Variants in DPP10 observed in about 807,000 individuals in gnomAD.
DPP10 encodes dipeptidyl peptidase like 10, also known as inactive dipeptidyl peptidase 10.
Under a neutral mutation model 120.9 loss-of-function variants are expected in DPP10, and 33 were observed. That is an observed-to-expected ratio of 0.27 (90% CI 0.21 to 0.37). The LOEUF (loss-of-function observed/expected upper bound fraction) is 0.37, where lower values mean the gene tolerates loss of function less well. DPP10 is among the 10% of genes least tolerant of loss of function. The probability of loss-of-function intolerance (pLI) is 1.00; values close to 1 mark genes in which losing one functional copy is unlikely to be tolerated. For missense variants in DPP10, 816 were observed against 942.8 expected, an observed-to-expected ratio of 0.87 and a Z score of 1.76; for synonymous variants, 337 against 326.1, an observed-to-expected ratio of 1.03 and a Z score of -0.36.
At chr2:114,837,230 G>A (rs1687811629) in intron 1 of DPP10, among the ~76,000 whole-genome samples, 1 of 152,158 alleles carries the variant, frequency 6.6e-6, no homozygotes, top group Non-Finnish European at 1.5e-5. Flanking sequence ...TTGCAGTAAA[G>A]ACAGGCATAA....
At chr2:114,842,108 C>G (rs147100078) in intron 1 of DPP10, among the ~76,000 whole-genome samples, 25 of 152,172 alleles carry the variant, frequency 1.6e-4, no homozygotes, top group African/African-American at 6.0e-4. Flanking sequence ...CAGACTGAGA[C>G]ATATTGTCAC....
chr2:115,222,473 AAG>A (rs1352476613), intron 1 of DPP10, among the ~76,000 whole-genome samples: 1 of 152,096 alleles, frequency 6.6e-6, no homozygotes, highest in African/African-American at 2.4e-5. Context: ...TGGTTTTAAA[AAG>A]AGGAGTTTCC....
intron 1 of DPP10, among the ~76,000 whole-genome samples, chr2:114,519,157 A>G (rs1230060187): frequency 6.6e-6 from 1 of 152,206 alleles, no homozygotes; most frequent in African/African-American, 2.4e-5. Flanking sequence ...TCATTTCTAT[A>G]CATGTGGCAG....
intron 1 of DPP10, among the ~76,000 whole-genome samples, chr2:114,940,920 T>C (rs547946889): frequency 2.0e-5 from 3 of 152,172 alleles, no homozygotes; most frequent in Non-Finnish European, 4.4e-5. Flanking sequence ...ACTAATTACA[T>C]TCCCTAGACT....
chr2:115,052,437 G>C (rs1393795343), intron 1 of DPP10, among the ~76,000 whole-genome samples: 1 of 152,086 alleles, frequency 6.6e-6, no homozygotes, highest in Admixed American at 6.6e-5. Context: ...TCTCATAAGG[G>C]TTTAATATCC....
chr2:114,971,920 C>T (rs1167694874), intron 1 of DPP10, among the ~76,000 whole-genome samples: 1 of 152,172 alleles, frequency 6.6e-6, no homozygotes, highest in Admixed American at 6.5e-5. Context: ...CAAGGCACCC[C>T]CAGGACTCAT....
chr2:114,890,291 A>G (rs1482863694), intron 1 of DPP10, among the ~76,000 whole-genome samples: 1 of 152,210 alleles, frequency 6.6e-6, no homozygotes, highest in African/African-American at 2.4e-5. Flanking sequence ...CATACTGCTC[A>G]AGAAATAGGA....
intron 4 of DPP10, among the ~76,000 whole-genome samples, chr2:115,521,602 C>T (rs906710290): frequency 1.6e-5 from 2 of 124,162 alleles, no homozygotes; most frequent in South Asian, 2.8e-4. Flanking sequence ...AAATCTAATC[C>T]TTATTTTTTT....
At chr2:115,752,622 A>C (rs899940859) in intron 10 of DPP10, among the ~76,000 whole-genome samples, 7 of 152,222 alleles carry the variant, frequency 4.6e-5, no homozygotes, top group African/African-American at 1.7e-4. Context: ...CAAACCATTC[A>C]TACCTTGGTA....
chr2:115,555,938 A>G (rs1208833412), intron 5 of DPP10, among the ~76,000 whole-genome samples: 1 of 152,088 alleles, frequency 6.6e-6, no homozygotes, highest in African/African-American at 2.4e-5. Context: ...CTTTATTGGC[A>G]AGCAAATAGA....
At chr2:115,117,042 A>G (rs926393628) in intron 1 of DPP10, among the ~76,000 whole-genome samples, 1 of 152,182 alleles carries the variant, frequency 6.6e-6, no homozygotes, top group African/African-American at 2.4e-5. Context: ...TTTCTTAAAC[A>G]TGTTCATATC....
intron 1 of DPP10, among the ~76,000 whole-genome samples, chr2:114,977,774 A>C (rs1468883024): frequency 6.6e-6 from 1 of 152,018 alleles, no homozygotes; most frequent in African/African-American, 2.4e-5. Flanking sequence ...AACTGGAGAA[A>C]TATTATTAAG....
intron 1 of DPP10, among the ~76,000 whole-genome samples, chr2:114,902,001 G>A (rs1693613002): frequency 6.6e-6 from 1 of 152,160 alleles, no homozygotes; most frequent in African/African-American, 2.4e-5. Context: ...AAGACCCAGA[G>A]AATGACAACA....
chr2:115,267,425 T>G (rs992973074), intron 1 of DPP10, among the ~76,000 whole-genome samples: 2 of 152,190 alleles, frequency 1.3e-5, no homozygotes, highest in Non-Finnish European at 1.5e-5. Flanking sequence ...AGGGACTTGT[T>G]TTTAGGAAGG....
intron 5 of DPP10, among the ~76,000 whole-genome samples, chr2:115,592,336 A>G (rs901096301): frequency 6.6e-6 from 1 of 152,148 alleles, no homozygotes; most frequent in African/African-American, 2.4e-5. Flanking sequence ...TGTTAGGTAA[A>G]TGAAGCTTCC....
rs995309050 is a variant in DPP10, at chr2:115,815,774, G to A, written c.1950+45G>A. 1.9e-6 allele frequency: 3 copies of A among 1,545,808 alleles called. No individual in the cohort carries two copies. The African/African-American group carries it at 4.1e-5, about 21-fold the overall frequency. On this transcript the variant is annotated intron_variant, in intron 21 of 25. Transcript: ENST00000410059. ...AATCTATCTTTTTATGCGTATCTAT[G>A]TTATGTAATATCCTATTACACATTC...
intron 1 of DPP10, among the ~76,000 whole-genome samples, chr2:114,987,069 T>A (rs1040597940): frequency 6.6e-6 from 1 of 152,100 alleles, no homozygotes; most frequent in African/African-American, 2.4e-5. Context: ...CGTGAACCAC[T>A]GCACCCGGCC....
intron 5 of DPP10, among the ~76,000 whole-genome samples, chr2:115,632,339 G>C (rs976578986): frequency 6.6e-6 from 1 of 152,012 alleles, no homozygotes; most frequent in African/African-American, 2.4e-5. Flanking sequence ...ACACTGATGG[G>C]TCTTGACTCT....
chr2:115,280,139 T>C (rs2060098513), intron 1 of DPP10, among the ~76,000 whole-genome samples: 1 of 152,184 alleles, frequency 6.6e-6, no homozygotes. Flanking sequence ...TTGAAAGACA[T>C]GTTTTTTGGA....
Sources: allele counts gnomAD v4.1 joint callset (sites outside exome capture counted in the v4.1 genomes callset), GRCh38; gene constraint gnomAD v4.1.1; transcripts MANE v1.5; gene names NCBI Gene and HGNC (gene_info 2026-07-23, HGNC 2026-07-21).